SIPA1L1: variants seen among roughly 807,000 people sequenced by gnomAD.
SIPA1L1 encodes signal induced proliferation associated 1 like 1.
Under a neutral mutation model 162.7 loss-of-function variants are expected in SIPA1L1, and 26 were observed. The observed-to-expected ratio is 0.16, with a 90% CI of 0.12 to 0.22. The LOEUF (loss-of-function observed/expected upper bound fraction) is 0.22, where lower values mean the gene tolerates loss of function less well. Ranked by LOEUF, SIPA1L1 falls within the 10% of genes least tolerant of loss-of-function variation. The probability of loss-of-function intolerance (pLI) is 1.00; values close to 1 mark genes in which losing one functional copy is unlikely to be tolerated. For missense variants in SIPA1L1, 1,874 were observed against 2,241.0 expected, an observed-to-expected ratio of 0.84 and a Z score of 3.31; for synonymous variants, 829 against 837.4, an observed-to-expected ratio of 0.99 and a Z score of 0.17.
At chr14:71,661,218 T>C in intron 9 of SIPA1L1, 92 bp from the exon 10 acceptor site, 1 of 1,333,876 alleles carries the variant, frequency 7.5e-7, no homozygotes, top group South Asian at 1.3e-5. Context: ...TGATTAGGAA[T>C]GGATGTTTTA....
intron 5 of SIPA1L1, among the ~76,000 whole-genome samples, chr14:71,603,165 G>C (rs950454249): frequency 3.9e-5 from 6 of 151,964 alleles, no homozygotes; most frequent in African/African-American, 1.5e-4. Flanking sequence ...ACCTATTCCT[G>C]CTCACTTTTG....
intron 7 of SIPA1L1, among the ~76,000 whole-genome samples, chr14:71,641,824 G>A (rs2041746918): frequency 6.6e-6 from 1 of 152,278 alleles, no homozygotes; most frequent in African/African-American, 2.4e-5. Context: ...TAAAATGTAG[G>A]CAAAACTAAT....
At chr14:71,673,024 C>G (rs903482272) in intron 12 of SIPA1L1, among the ~76,000 whole-genome samples, 1 of 152,236 alleles carries the variant, frequency 6.6e-6, no homozygotes, top group South Asian at 2.1e-4. Context: ...ATTCTCTTCT[C>G]TCTCCTAATT....
At chr14:71,388,514 C>T (rs991955204) in intron 2 of SIPA1L1, among the ~76,000 whole-genome samples, 7 of 152,174 alleles carry the variant, frequency 4.6e-5, no homozygotes, top group African/African-American at 1.4e-4. Context: ...GAGATTTTAA[C>T]GTAATTGAAG....
intron 8 of SIPA1L1, 132 bp from the exon 9 acceptor site, chr14:71,658,201 A>G: frequency 3.3e-6 from 2 of 598,584 alleles, no homozygotes; most frequent in Non-Finnish European, 5.8e-6. Flanking sequence ...AAGGAAGAAC[A>G]CCTGTCTTGT....
chr14:71,417,485 AAAAAAAAAAAAAAAAAAAG>A (rs1175821073), intron 2 of SIPA1L1, among the ~76,000 whole-genome samples: 7 of 141,506 alleles, frequency 4.9e-5, no homozygotes, highest in African/African-American at 1.5e-4. Flanking sequence ...AAAAAAAAAA[AAAAAAAAAAAAAAAAAAAG>A]AAAATCCTAA....
chr14:71,551,024 A>G (rs773468414), intron 4 of SIPA1L1, among the ~76,000 whole-genome samples: 11 of 152,102 alleles, frequency 7.2e-5, no homozygotes, highest in Non-Finnish European at 1.5e-4. Context: ...CTGTTTGTTC[A>G]TATCCTAGGG....
intron 2 of SIPA1L1, among the ~76,000 whole-genome samples, chr14:71,352,102 A>T (rs1029517869): frequency 6.6e-6 from 1 of 151,938 alleles, no homozygotes; most frequent in Non-Finnish European, 1.5e-5. Context: ...TGAAAAGGTG[A>T]TTTTTTTAAA....
intron 10 of SIPA1L1, among the ~76,000 whole-genome samples, chr14:71,664,692 C>A (rs2043839560): frequency 6.6e-6 from 1 of 152,134 alleles, no homozygotes; most frequent in Non-Finnish European, 1.5e-5. Context: ...TGCTTTTTAG[C>A]ATTTAAAACC....
rs1566933891 is a variant in SIPA1L1 at position 71,363,954 on chromosome 14, C to G, written c.-465+42773C>G. ...TCCTGTTTCCCTTGCTAGAACACTT[C>G]AGGGCCTCCTCCTTATCTACAGCAG... On this transcript the variant is annotated intron_variant, in intron 2 of 23. Coordinates refer to ENST00000381232, the MANE Select transcript of SIPA1L1 (RefSeq NM_001386936.1). 2.6e-5 allele frequency among the ~76,000 whole-genome samples: 4 copies of G among 152,302 alleles called. No homozygotes were observed. In the South Asian group the frequency reaches 6.2e-4, roughly 24 times the overall value.
At chr14:71,470,580 T>TC (rs370253454) in intron 2 of SIPA1L1, among the ~76,000 whole-genome samples, 210 of 152,256 alleles carry the variant, frequency 1.4e-3, no homozygotes, top group Non-Finnish European at 2.5e-3. Flanking sequence ...TAGTGGGTGA[T>TC]CACCTGGCGG....
chr14:71,573,689 A>C (rs1446027544), intron 4 of SIPA1L1: 5 of 456,496 alleles, frequency 1.1e-5, no homozygotes, highest in Admixed American at 2.4e-5. Context: ...CAACATGAAT[A>C]TTTTCTGGCT....
At chr14:71,467,381 T>C (rs562450044) in intron 2 of SIPA1L1, 1 of 152,348 alleles carries the variant, frequency 6.6e-6, no homozygotes, top group African/African-American at 2.4e-5. Context: ...ATTTGTTTGA[T>C]GAGATGATAC....
At chr14:71,580,921 A>G (rs559414803) in intron 4 of SIPA1L1, among the ~76,000 whole-genome samples, 64 of 152,318 alleles carry the variant, frequency 4.2e-4, no homozygotes, top group Non-Finnish European at 7.2e-4. Flanking sequence ...TAATCAAAAG[A>G]CAAACATTGT....
intron 19 of SIPA1L1, among the ~76,000 whole-genome samples, chr14:71,729,365 G>C (rs992792589): frequency 6.6e-6 from 1 of 152,124 alleles, no homozygotes; most frequent in Admixed American, 6.5e-5. Context: ...GAATAGAAAT[G>C]CATCTTCAAA....
chr14:71,447,011 A>G (rs1007899615), intron 2 of SIPA1L1, among the ~76,000 whole-genome samples: 1 of 141,890 alleles, frequency 7.0e-6, no homozygotes, highest in African/African-American at 2.6e-5. Context: ...TCCCAGGCTC[A>G]AGTGATTCTC....
chr14:71,581,020 A>T (rs1399418794), intron 4 of SIPA1L1, among the ~76,000 whole-genome samples: 1 of 152,098 alleles, frequency 6.6e-6, no homozygotes. Context: ...AAAATTTGTA[A>T]TGTATTTTCA....
intron 21 of SIPA1L1, among the ~76,000 whole-genome samples, chr14:71,734,897 A>G (rs868448772): frequency 3.9e-5 from 6 of 152,358 alleles, no homozygotes; most frequent in Non-Finnish European, 7.3e-5. Flanking sequence ...GGTGGAAAAC[A>G]TACTTCAAGA....
chr14:71,526,456 T>C (rs2052882414), intron 3 of SIPA1L1, among the ~76,000 whole-genome samples: 1 of 152,248 alleles, frequency 6.6e-6, no homozygotes, highest in Non-Finnish European at 1.5e-5. Context: ...TTCTTTCATG[T>C]GTCTGGCATC....
Sources: allele counts gnomAD v4.1 joint callset (sites outside exome capture counted in the v4.1 genomes callset), GRCh38; gene constraint gnomAD v4.1.1; transcripts MANE v1.5; gene names NCBI Gene and HGNC (gene_info 2026-07-23, HGNC 2026-07-21).